Variants in RRP1B observed in about 807,000 individuals in gnomAD.
RRP1B encodes ribosomal RNA processing protein 1 homolog B.
RRP1B carries 56 observed loss-of-function variants against 80.2 expected under a neutral mutation model. That is an observed-to-expected ratio of 0.70 (90% CI 0.56 to 0.87). The LOEUF (loss-of-function observed/expected upper bound fraction) is 0.87. RRP1B is among the 40% of genes least tolerant of loss of function. RRP1B has a pLI of 0.00. For synonymous variants in RRP1B, 351 were observed against 357.6 expected (o/e 0.98, Z 0.21); for missense variants, 807 against 939.8 (o/e 0.86, Z 1.85).
chr21:43,672,324 C>T lies in RRP1B; in HGVS notation c.230C>T (p.Thr77Ile), dbSNP rs761727475. Residue 77 changes from threonine to isoleucine, a missense_variant, in exon 3 of 16, where the codon ACC (threonine) becomes ATC (isoleucine). Thr to Ile is a moderately conservative substitution (Grantham distance 89). Transcript: ENST00000340648. ...EPLLQEELANTIAQLVHAVNN... is the reference protein window; with the variant it reads ...EPLLQEELANIIAQLVHAVNN... ...CCTCTGCAGGAAGAGCTCGCCAACA[C>T]CATTGCACAGCTAGTCCATGCTGTT... 1.2e-5 allele frequency: 19 copies of T among 1,614,048 alleles called. No homozygotes were observed. The highest frequency in any genetic ancestry group is 5.1e-6 in the Non-Finnish European group (6 of 1,180,014).
intron 5 of RRP1B, 140 bp downstream of exon 5, chr21:43,674,837 C>A: frequency 9.8e-7 from 1 of 1,015,468 alleles, no homozygotes; most frequent in Non-Finnish European, 1.5e-6. Context: ...CAGTAGAAGG[C>A]ATAAAACAGT....
intron 2 of RRP1B, among the ~76,000 whole-genome samples, chr21:43,672,046 A>G (rs2083001489): frequency 6.6e-6 from 1 of 152,244 alleles, no homozygotes; most frequent in Non-Finnish European, 1.5e-5. Flanking sequence ...GTTCATCTGA[A>G]CTGATAATTA....
chr21:43,687,657 G>A lies in RRP1B; in HGVS notation c.1283G>A (p.Gly428Asp). ...GAAPSLEQNRGREPEASGLKA... is the reference protein window; with the variant it reads ...GAAPSLEQNRDREPEASGLKA... Reference sequence around the variant, plus strand: ...GCCCCATCCCTGGAACAGAACCGGGGCAGGGAGCCCGAGGCCTCTGGGCTG... The same window carrying A: ...GCCCCATCCCTGGAACAGAACCGGGACAGGGAGCCCGAGGCCTCTGGGCTG... Residue 428 changes from glycine to aspartate, a missense_variant, in exon 13 of 16, where the codon GGC becomes GAC. Gly to Asp is a moderately conservative substitution (Grantham distance 94). Coordinates refer to ENST00000340648, the MANE Select transcript of RRP1B (RefSeq NM_015056.3). 6.3e-7 allele frequency: 1 copy of A among 1,587,100 alleles called. No individual in the cohort carries two copies. Among genetic ancestry groups the A allele is most frequent in the South Asian group, 1.1e-5 (1 of 88,214 alleles).
In RRP1B at chr21:43,672,340, C is replaced by T. The variant is rs115629605; in HGVS notation, c.246C>T (p.Val82=). ...TCGCCAACACCATTGCACAGCTAGT[C>T]CATGCTGTTAACAACTCAGCGGCTC... ...EELANTIAQL[V]HAVNNSAAQH... Residue 82 remains valine (V), a synonymous_variant, in exon 3 of 16, where the codon GTC becomes GTT. Transcript: ENST00000340648. 1,705 of 1,614,082 alleles carry T rather than the reference C, an allele frequency of 1.1e-3. 19 individuals carry two copies. In the African/African-American group the frequency reaches 0.021, roughly 19 times the overall value.
chr21:43,681,445 T>C (rs1254252216), intron 8 of RRP1B, among the ~76,000 whole-genome samples: 1 of 150,276 alleles, frequency 6.7e-6, no homozygotes, highest in Non-Finnish European at 1.5e-5. Flanking sequence ...AACCTCTGCC[T>C]CCCGGGTTCA....
At chr21:43,683,192 A>G in intron 8 of RRP1B, 87 bp from the exon 9 acceptor site, 5 of 1,068,824 alleles carry the variant, frequency 4.7e-6, no homozygotes, top group Non-Finnish European at 5.6e-6. Flanking sequence ...GCTAAGAGAC[A>G]CCTAATTAGA....
intron 8 of RRP1B, among the ~76,000 whole-genome samples, chr21:43,682,650 G>A (rs180936645): frequency 8.2e-4 from 125 of 152,326 alleles, no homozygotes; most frequent in African/African-American, 2.9e-3. Context: ...GCTTGCCTGC[G>A]TCCCTGGACA....
In RRP1B at chr21:43,691,339, G is replaced by T; in HGVS notation, c.2020-100G>T. 9.5e-7 allele frequency: 1 copy of T among 1,058,054 alleles called. No homozygotes were observed. The highest frequency in any genetic ancestry group is 1.4e-6 in the Non-Finnish European group (1 of 698,802). The allele number at this position is 1,058,054 out of a possible 1,614,324, so 65.5% of individuals were successfully genotyped here. A position where few individuals can be genotyped will look rare whatever the true frequency, so the allele number is the denominator to read the frequency against. ...GTGCCACTCAGTAAGCAGCAGTGTG[G>T]GCGGCATACCCTCCAGGGCAGGTTC... On this transcript the variant is annotated intron_variant, in intron 14 of 15. Transcript: ENST00000340648. The surrounding 1 kb of genome is among the most constrained non-coding windows in gnomAD (Gnocchi z 4.2).
intron 1 of RRP1B, among the ~76,000 whole-genome samples, chr21:43,660,871 T>A (rs1042518749): frequency 6.6e-6 from 1 of 152,216 alleles, no homozygotes; most frequent in Non-Finnish European, 1.5e-5. Flanking sequence ...TGCTGTTGGA[T>A]GATTTCATTT....
Position 43,659,647 on chromosome 21 carries a change from G to A in RRP1B, c.-18G>A. 1 of 1,490,498 alleles carries A rather than the reference G, an allele frequency of 6.7e-7. No homozygotes were observed. Among genetic ancestry groups the A allele is most frequent in the Non-Finnish European group, 8.9e-7 (1 of 1,119,282 alleles). The allele number at this position is 1,490,498 out of a possible 1,614,324, so 92.3% of individuals were successfully genotyped here. ...CGGCACCGCGGGTTGCGCGGCCGGG[G>A]ATGCTCCAGCGGGCGCGATGGCCCC... is the stretch of plus-strand genomic sequence containing the variant. On this transcript the variant is annotated 5_prime_UTR_variant, in exon 1 of 16. Transcript: ENST00000340648. The surrounding 1 kb of genome is among the most constrained non-coding windows in gnomAD (Gnocchi z 4.2).
At chr21:43,670,326 A>G (rs1164901969) in intron 2 of RRP1B, among the ~76,000 whole-genome samples, 1 of 152,228 alleles carries the variant, frequency 6.6e-6, no homozygotes, top group Non-Finnish European at 1.5e-5. Flanking sequence ...GACCCTGTGA[A>G]ACCCAGGAGA....
In RRP1B at chr21:43,695,462, T is replaced by G. The variant is rs369922431; in HGVS notation, c.*2079T>G. ...GTCCCGGCTGGGAGTGACAGGGTGC[T>G]TCTTAGATTCTATTGGTCCTTCTCT... On this transcript the variant is annotated 3_prime_UTR_variant, in exon 16 of 16. Transcript: ENST00000340648. The G allele has an allele frequency of 6.6e-6, 1 of 152,358 alleles. No individual in the cohort carries two copies. The highest frequency in any genetic ancestry group is 1.5e-5 in the Non-Finnish European group (1 of 68,034). The allele number at this position is 152,358 out of a possible 1,614,324, so 9.4% of individuals were successfully genotyped here.
rs33994751 is a variant in RRP1B, at chr21:43,674,586, CTTTTTTTTTTTTTTTT to C, written c.358-39_358-24del. On this transcript the variant is annotated intron_variant, in intron 4 of 15. Transcript: ENST00000340648. Reference sequence around the variant, plus strand: ...AGCTGATTAATATTTCTTACCTTTCCTTTTTTTTTTTTTTTTTTTTTTTTTTAAACAAAAATTGCCT... The same window carrying C: ...AGCTGATTAATATTTCTTACCTTTCCTTTTTTTTTTAAACAAAAATTGCCT... The C allele has an allele frequency of 1.0e-5, 4 of 392,160 alleles. 1 individual carries two copies. The highest frequency in any genetic ancestry group is 3.5e-5 in the South Asian group (1 of 28,224). 24.3% of individuals were successfully genotyped at this position (392,160 alleles called of 1,614,324 possible).
intron 2 of RRP1B, among the ~76,000 whole-genome samples, chr21:43,671,041 T>A (rs1427218659): frequency 1.3e-5 from 2 of 152,210 alleles, no homozygotes; most frequent in Non-Finnish European, 2.9e-5. Context: ...GACAGAAATC[T>A]CATTTTCCCA....
intron 5 of RRP1B, 24 bp from the exon 6 acceptor site, chr21:43,675,010 A>G (rs1473360474): frequency 1.2e-6 from 2 of 1,613,044 alleles, no homozygotes; most frequent in East Asian, 4.5e-5. Context: ...TGTCATTCAC[A>G]GAAGCATGCG....
At chr21:43,685,127 C>A (rs1020378184) in intron 10 of RRP1B, among the ~76,000 whole-genome samples, 1 of 152,192 alleles carries the variant, frequency 6.6e-6, no homozygotes, top group African/African-American at 2.4e-5. Context: ...GGCTTGCTGT[C>A]ATTGGTGACA....
Position 43,691,578 on chromosome 21 carries a change from C to G in RRP1B, c.2083+76C>G. 2 of 1,315,962 alleles carry G rather than the reference C, an allele frequency of 1.5e-6. No individual in the cohort carries two copies. Among genetic ancestry groups the G allele is most frequent in the East Asian group, 4.6e-5 (2 of 43,370 alleles). 81.5% of individuals were successfully genotyped at this position (1,315,962 alleles called of 1,614,324 possible). A position where few individuals can be genotyped will look rare whatever the true frequency, so the allele number is the denominator to read the frequency against. The stretch of plus-strand genomic sequence containing the variant: ...CCTGGCGCGGCTCGCAGCCTGGTTC[C>G]ACAAGGCGGTCGGGGAAGAGGGGGG... On this transcript the variant is annotated intron_variant, in intron 15 of 15. Transcript: ENST00000340648. This position sits in a 1 kb window ranked among gnomAD's most constrained non-coding sequence, Gnocchi z 4.2.
At chr21:43,683,971 T>TG (rs1601759029) in intron 9 of RRP1B, among the ~76,000 whole-genome samples, 18 of 33,084 alleles carry the variant, frequency 5.4e-4, no homozygotes, top group Admixed American at 3.7e-3. Flanking sequence ...AGACTCTGGC[T>TG]CAAAAAAAAA....
intron 10 of RRP1B, among the ~76,000 whole-genome samples, chr21:43,685,391 C>T (rs970503955): frequency 4.6e-5 from 7 of 152,254 alleles, no homozygotes; most frequent in Non-Finnish European, 1.0e-4. Flanking sequence ...TGAAGCAAAA[C>T]ATGGCTTCGC....
Sources: gnomAD v4.1 joint callset for allele counts (sites outside exome capture counted in the v4.1 genomes callset) on GRCh38, gnomAD v4.1.1 for gene constraint, Gnocchi (gnomAD v3.1) non-coding constraint, MANE v1.5 for transcripts, NCBI Gene and HGNC (gene_info 2026-07-23, HGNC 2026-07-21) for gene names.